PIEZO2: variants seen among roughly 807,000 people sequenced by gnomAD.
PIEZO2 encodes the protein piezo-type mechanosensitive ion channel component 2.
PIEZO2 carries 172 observed loss-of-function variants against 337.3 expected under a neutral mutation model. The observed-to-expected ratio is 0.51, with a 90% CI of 0.45 to 0.58. PIEZO2 has a LOEUF of 0.58. PIEZO2 is among the 20% of genes least tolerant of loss of function. PIEZO2 has a pLI of 0.00. For synonymous variants in PIEZO2, 1,251 were observed against 1,228.5 expected (o/e 1.02, Z -0.38); for missense variants, 3,028 against 3,391.3 (o/e 0.89, Z 2.66).
intron 7 of PIEZO2, among the ~76,000 whole-genome samples, chr18:10,807,765 C>T (rs1296679413): frequency 2.6e-5 from 2 of 76,054 alleles, no homozygotes; most frequent in Admixed American, 1.6e-4. Flanking sequence ...ACAGTTTAGC[C>T]ATGAAAGTCA....
intron 1 of PIEZO2, among the ~76,000 whole-genome samples, chr18:11,100,626 C>T (rs2039383421): frequency 6.6e-6 from 1 of 152,128 alleles, no homozygotes; most frequent in South Asian, 2.1e-4. Flanking sequence ...GACGGAGTCT[C>T]ACTCTGTCGC....
intron 8 of PIEZO2, among the ~76,000 whole-genome samples, chr18:10,806,191 G>A (rs993772828): frequency 1.3e-5 from 2 of 152,132 alleles, no homozygotes; most frequent in Non-Finnish European, 2.9e-5. Flanking sequence ...TCGGAGGAGG[G>A]GGACTGGAAT....
At chr18:10,803,778 A>G in intron 9 of PIEZO2, 97 bp downstream of exon 9, 3 of 1,404,436 alleles carry the variant, frequency 2.1e-6, no homozygotes, top group Non-Finnish European at 2.8e-6. Context: ...CAACCTGAAT[A>G]TGATATGATA....
chr18:10,770,335 G>A (rs1322521784), intron 20 of PIEZO2, 27 bp from the exon 21 acceptor site: 1 of 1,501,472 alleles, frequency 6.7e-7, no homozygotes, highest in Admixed American at 2.3e-5. Context: ...ACAGACAAGA[G>A]CATAACATTT....
rs1225155536 is a variant in PIEZO2, at chr18:11,127,205, G to T, written c.64+21320C>A. On this transcript the variant is annotated intron_variant, in intron 1 of 55. Transcript: ENST00000674853. The surrounding 1 kb of genome is among the most constrained non-coding windows in gnomAD (Gnocchi z 4.5). Reference sequence around the variant, plus strand: ...ATCAGGTGTTTGAGGGGTGCGGAAAGAGGTCCCTGAGGAGGTGACATTTAG... The same window carrying T: ...ATCAGGTGTTTGAGGGGTGCGGAAATAGGTCCCTGAGGAGGTGACATTTAG... Among the ~76,000 whole-genome samples the T allele has an allele frequency of 6.6e-6, 1 of 152,202 alleles. No homozygotes were observed. The highest frequency in any genetic ancestry group is 1.5e-5 in the Non-Finnish European group (1 of 68,030).
At chr18:10,972,026 C>T (rs1259423919) in intron 3 of PIEZO2, among the ~76,000 whole-genome samples, 1 of 152,038 alleles carries the variant, frequency 6.6e-6, no homozygotes, top group African/African-American at 2.4e-5. Flanking sequence ...GGTGCGGTGG[C>T]TCACACCTGT....
At position 10,699,112 on chromosome 18, in the gene PIEZO2, A is replaced by G. The variant is rs937019361; in HGVS notation, c.6507T>C (p.Asp2169=). ...TCCTGCCATGACCGAGGGAGAGCTC[A>G]TCATCTGATTCCTCCCTGGCCATGC... is the stretch of plus-strand genomic sequence containing the variant. ...ESGMAREESD[D]ELSLGHGRRD... Residue 2169 remains aspartate, a synonymous_variant, in exon 44 of 56, where the codon GAT becomes GAC. Coordinates refer to ENST00000674853, the MANE Select transcript of PIEZO2 (RefSeq NM_001378183.1). 18 of 1,537,004 alleles carry G rather than the reference A, an allele frequency of 1.2e-5. No homozygotes were observed. In the African/African-American group the frequency reaches 2.3e-4, roughly 20 times the overall value.
chr18:10,893,141 A>G (rs2042802761), intron 4 of PIEZO2, among the ~76,000 whole-genome samples: 1 of 152,252 alleles, frequency 6.6e-6, no homozygotes, highest in African/African-American at 2.4e-5. Context: ...TTCAAGACCT[A>G]TTACAAAATC....
intron 1 of PIEZO2, among the ~76,000 whole-genome samples, chr18:11,130,692 C>T (rs2040315729): frequency 6.6e-6 from 1 of 152,142 alleles, no homozygotes. Flanking sequence ...TTCTAGGGGT[C>T]CAGTGGTGTG....
At position 10,726,188 on chromosome 18, in the gene PIEZO2, C is replaced by G. The variant is rs1344424715; in HGVS notation, c.5029+5219G>C. Among the ~76,000 whole-genome samples, 1 of 152,006 alleles carries G rather than the reference C, an allele frequency of 6.6e-6. No individual in the cohort carries two copies. The highest frequency in any genetic ancestry group is 1.5e-5 in the Non-Finnish European group (1 of 67,966). On this transcript the variant is annotated intron_variant, in intron 36 of 55. Transcript: ENST00000674853. This position sits in a 1 kb window ranked among gnomAD's most constrained non-coding sequence, Gnocchi z 5.9. Reference sequence around the variant, plus strand: ...TCATATATGTGAGCAACTGTGGATCCTTGGGTGCGAGTCCACCGGAGGAGG... The same window carrying G: ...TCATATATGTGAGCAACTGTGGATCGTTGGGTGCGAGTCCACCGGAGGAGG...
At chr18:10,714,999 C>A in intron 38 of PIEZO2, 69 bp from the exon 39 acceptor site, 1 of 1,449,066 alleles carries the variant, frequency 6.9e-7, no homozygotes, top group South Asian at 1.3e-5. Flanking sequence ...TGGCATTTCT[C>A]AACACAGACA....
rs528873077 is a variant in PIEZO2 at position 11,047,789 on chromosome 18, C to T, written c.160+18338G>A. On this transcript the variant is annotated intron_variant, in intron 2 of 55. Coordinates refer to ENST00000674853, the MANE Select transcript of PIEZO2 (RefSeq NM_001378183.1). The surrounding 1 kb of genome is among the most constrained non-coding windows in gnomAD (Gnocchi z 7.2). Reference sequence around the variant, plus strand: ...CATCTTAAAAGAGCAGTTTTCATTCCGCAGATGCTATTAGACCCCAGGGAA... The same window carrying T: ...CATCTTAAAAGAGCAGTTTTCATTCTGCAGATGCTATTAGACCCCAGGGAA... Among the ~76,000 whole-genome samples, 8 of 152,192 alleles carry T rather than the reference C, an allele frequency of 5.3e-5. No homozygotes were observed. The highest frequency in any genetic ancestry group is 1.9e-4 in the African/African-American group (8 of 41,520).
intron 1 of PIEZO2, among the ~76,000 whole-genome samples, chr18:11,108,338 A>G (rs927448674): frequency 3.9e-5 from 6 of 152,204 alleles, no homozygotes; most frequent in African/African-American, 1.2e-4. Context: ...AGCCGGGGCC[A>G]GGCACGGTGG....
In PIEZO2 at chr18:10,773,459, T is replaced by C; in HGVS notation, c.2738A>G (p.Glu913Gly). 6.5e-7 allele frequency: 1 copy of C among 1,537,434 alleles called. No individual in the cohort carries two copies. The highest frequency in any genetic ancestry group is 8.7e-7 in the Non-Finnish European group (1 of 1,146,968). The change falls in exon 20 of 56, where the codon GAG (glutamate) becomes GGG (glycine). Residue 913 changes from glutamate to glycine, a missense_variant. This residue lies in a region of PIEZO2 where 1,925 missense variants were observed against 2,051.9 expected (regional missense o/e 0.94). Transcript: ENST00000674853. The surrounding 1 kb of genome is among the most constrained non-coding windows in gnomAD (Gnocchi z 5.3). ...DLGKDSEESE[E>G]DGEEEEESEE... ...GGATTCCTCCTCTTCCTCTCCGTCC[T>C]CCTCTGACTCCTCGCTGTCTTTCCC... is the stretch of plus-strand genomic sequence containing the variant.
rs1161176954 is a variant in PIEZO2 at position 11,149,288 on chromosome 18, T to C, written c.-700A>G. On this transcript the variant is annotated 5_prime_UTR_variant, in exon 1 of 56. An upstream start codon of the reference 5' UTR is lost. Transcript: ENST00000674853. The surrounding 1 kb of genome is among the most constrained non-coding windows in gnomAD (Gnocchi z 8.7). ...GGGAGCTGCCAGGCGCGCAGAACCA[T>C]CCCCGCCACCACGGGGCTCGCCTTG... Among the ~76,000 whole-genome samples the C allele has an allele frequency of 6.6e-6, 1 of 150,498 alleles. No homozygotes were observed. Among genetic ancestry groups the C allele is most frequent in the Non-Finnish European group, 1.5e-5 (1 of 67,616 alleles).
Position 10,797,483 on chromosome 18 carries a change from T to C in PIEZO2, c.1418A>G (p.Glu473Gly). ...EEEEEEKEEF[E>G]EERSREEKRS... ...TTTTTCCTCACGGCTCCTTTCTTCTTCAAATTCTTCTTTCTCTTCCTCTTC... is the reference window on the plus strand; with the variant it reads ...TTTTTCCTCACGGCTCCTTTCTTCTCCAAATTCTTCTTTCTCTTCCTCTTC... The change falls in exon 12 of 56, where the codon GAA becomes GGA. Residue 473 changes from glutamate to glycine, a missense_variant. Transcript: ENST00000674853. 2 of 1,537,202 alleles carry C rather than the reference T, an allele frequency of 1.3e-6. No homozygotes were observed. The highest frequency in any genetic ancestry group is 1.7e-6 in the Non-Finnish European group (2 of 1,146,898).
intron 1 of PIEZO2, among the ~76,000 whole-genome samples, chr18:11,067,058 C>T (rs1179896861): frequency 6.6e-6 from 1 of 152,104 alleles, no homozygotes. Flanking sequence ...AAGCATACCA[C>T]TAGAGAAAAT....
chr18:11,128,271 T>C lies in PIEZO2; in HGVS notation c.64+20254A>G, dbSNP rs1028364857. 2.0e-5 allele frequency among the ~76,000 whole-genome samples: 3 copies of C among 152,138 alleles called. No homozygotes were observed. The highest frequency in any genetic ancestry group is 6.5e-5 in the Admixed American group (1 of 15,270). On this transcript the variant is annotated intron_variant, in intron 1 of 55. Transcript: ENST00000674853. The surrounding 1 kb of genome is among the most constrained non-coding windows in gnomAD (Gnocchi z 4.1). ...ATACTGAGCCTCAAATCTGCTAAGA[T>C]TGCCTTGAGTGAGAGTCTTATCTCC...
Position 10,682,030 on chromosome 18 carries a change from C to T in PIEZO2, c.7686+74G>A. On this transcript the variant is annotated intron_variant, in intron 50 of 55. Coordinates refer to ENST00000674853, the MANE Select transcript of PIEZO2 (RefSeq NM_001378183.1). This position sits in a 1 kb window ranked among gnomAD's most constrained non-coding sequence, Gnocchi z 5.6. ...AGGGTCGGCAGCCCATGACTAAACA[C>T]CCTACAGACAGCTATCATAAAGGAA... 7.1e-7 allele frequency: 1 copy of T among 1,401,592 alleles called. No individual in the cohort carries two copies. Among genetic ancestry groups the T allele is most frequent in the Non-Finnish European group, 9.5e-7 (1 of 1,050,352 alleles). The allele number at this position is 1,401,592 out of a possible 1,614,324, so 86.8% of individuals were successfully genotyped here. A position where few individuals can be genotyped will look rare whatever the true frequency, so the allele number is the denominator to read the frequency against.
Sources: gnomAD v4.1 joint callset for allele counts (sites outside exome capture counted in the v4.1 genomes callset) on GRCh38, gnomAD v4.1.1 for gene constraint, gnomAD v4.1.1 regional missense constraint, Gnocchi (gnomAD v3.1) non-coding constraint, MANE v1.5 for transcripts, NCBI Gene and HGNC (gene_info 2026-07-23, HGNC 2026-07-21) for gene names.